Variants in GTF2B observed in about 807,000 individuals in gnomAD.
GTF2B encodes transcription initiation factor IIB.
Under a neutral mutation model 34.6 loss-of-function variants are expected in GTF2B, and 20 were observed. The ratio of observed to expected loss-of-function variants is 0.58; its 90% CI spans 0.41 to 0.84. GTF2B has a LOEUF of 0.84. Among genes scored for constraint, GTF2B ranks in the 40% least tolerant of loss-of-function variants. The pLI, the probability that GTF2B is intolerant of heterozygous loss-of-function variation, is 0.00. For missense variants in GTF2B, 237 were observed against 393.3 expected, an observed-to-expected ratio of 0.60 and a Z score of 3.36; for synonymous variants, 142 against 132.4, an observed-to-expected ratio of 1.07 and a Z score of -0.50.
chr1:88,863,845 T>C, intron 3 of GTF2B, 136 bp downstream of exon 3: 1 of 713,180 alleles, frequency 1.4e-6, no homozygotes, highest in East Asian at 2.5e-5. Flanking sequence ...TCATTCACAA[T>C]GATATTACTG....
rs951039074 is a variant in GTF2B, at chr1:88,864,053, T to C, written c.186A>G (p.Lys62=). ...GAGAATCTCCAACTCGAGATGGATC[T>C]TTTGTTGCTTTGTCATTGCTGAAAG... is the stretch of plus-strand genomic sequence containing the variant. ...WRTFSNDKAT[K]DPSRVGDSQN... is the part of the protein sequence containing the mutation. Residue 62 remains lysine, a synonymous_variant, in exon 3 of 7, where the codon AAA becomes AAG. Transcript: ENST00000370500. 2 of 1,613,676 alleles carry C rather than the reference T, an allele frequency of 1.2e-6. No homozygotes were observed.
chr1:88,878,943 A>ACAGGCC (rs1400441913), intron 2 of GTF2B, among the ~76,000 whole-genome samples: 1 of 152,236 alleles, frequency 6.6e-6, no homozygotes, highest in Non-Finnish European at 1.5e-5. Context: ...AGCAGATCTT[A>ACAGGCC]CAGGCCCAGC....
In GTF2B at chr1:88,878,887, A is replaced by C. The variant is rs1263678292; in HGVS notation, c.124+8374T>G. Among the ~76,000 whole-genome samples, 3 of 152,246 alleles carry C rather than the reference A, an allele frequency of 2.0e-5. No homozygotes were observed. In the East Asian group the frequency reaches 5.8e-4, roughly 29 times the overall value. Reference sequence around the variant, plus strand: ...ATGACAGATCCATGTGCGGAGGTCAAGGAGCACGGAGGAACCAGAAATGCA... The same window carrying C: ...ATGACAGATCCATGTGCGGAGGTCACGGAGCACGGAGGAACCAGAAATGCA... On this transcript the variant is annotated intron_variant, in intron 2 of 6. Coordinates refer to ENST00000370500, the MANE Select transcript of GTF2B (RefSeq NM_001514.6).
intron 1 of GTF2B, chr1:88,887,580 T>C (rs1185704661): frequency 6.3e-6 from 3 of 475,572 alleles, no homozygotes; most frequent in Non-Finnish European, 1.1e-5. Context: ...GGAATTCTTA[T>C]TTTATTGTGG....
chr1:88,863,888 C>A, intron 3 of GTF2B, 93 bp downstream of exon 3: 1 of 1,061,788 alleles, frequency 9.4e-7, no homozygotes, highest in Non-Finnish European at 1.4e-6. Flanking sequence ...AGATTCCCCA[C>A]TGGTGCAGTG....
intron 2 of GTF2B, among the ~76,000 whole-genome samples, chr1:88,885,635 A>G (rs533004983): frequency 1.3e-5 from 2 of 152,116 alleles, no homozygotes; most frequent in East Asian, 3.9e-4. Flanking sequence ...CTGTAATCCC[A>G]GCTACTTGGG....
intron 5 of GTF2B, among the ~76,000 whole-genome samples, chr1:88,859,085 C>T (rs1350149157): frequency 6.6e-6 from 1 of 152,058 alleles, no homozygotes; most frequent in Non-Finnish European, 1.5e-5. Flanking sequence ...CCAGGCTGGT[C>T]TTGAACTCCT....
intron 2 of GTF2B, among the ~76,000 whole-genome samples, chr1:88,867,181 T>C (rs1673580491): frequency 6.6e-6 from 1 of 152,158 alleles, no homozygotes; most frequent in South Asian, 2.1e-4. Context: ...ATTTGCTCAC[T>C]AAAAGATACG....
chr1:88,890,517 G>A (rs1313118127), intron 1 of GTF2B, among the ~76,000 whole-genome samples: 3 of 152,204 alleles, frequency 2.0e-5, no homozygotes, highest in Admixed American at 6.5e-5. Flanking sequence ...TCCAGAAGCT[G>A]TAGAATTAAT....
chr1:88,876,643 T>C (rs1169122900), intron 2 of GTF2B, among the ~76,000 whole-genome samples: 3 of 152,084 alleles, frequency 2.0e-5, no homozygotes, highest in Non-Finnish European at 4.4e-5. Context: ...ATCATGCCAC[T>C]AGCCTGGGCA....
intron 2 of GTF2B, among the ~76,000 whole-genome samples, chr1:88,870,050 C>T (rs1395213128): frequency 6.6e-6 from 1 of 150,546 alleles, no homozygotes; most frequent in African/African-American, 2.5e-5. Flanking sequence ...GCCTCAGCCT[C>T]CCGAGTAGCT....
chr1:88,857,970 C>T (rs886975428), intron 5 of GTF2B, among the ~76,000 whole-genome samples: 1 of 151,462 alleles, frequency 6.6e-6, no homozygotes, highest in Non-Finnish European at 1.5e-5. Flanking sequence ...GCATGAGCCA[C>T]TGCGCCTGGC....
At chr1:88,891,355 G>T in intron 1 of GTF2B, 128 bp downstream of exon 1, 1 of 655,138 alleles carries the variant, frequency 1.5e-6, no homozygotes, top group Non-Finnish European at 2.6e-6. Context: ...CGGCCCGTCG[G>T]CCAGTCCCGC....
chr1:88,886,921 TTATTA>T (rs1174798007), intron 2 of GTF2B, among the ~76,000 whole-genome samples: 1 of 149,904 alleles, frequency 6.7e-6, no homozygotes, highest in African/African-American at 2.5e-5. Flanking sequence ...ATTATTATTA[TTATTA>T]TTTTTTTTTT....
intron 2 of GTF2B, among the ~76,000 whole-genome samples, chr1:88,875,120 T>C (rs1437678302): frequency 3.3e-5 from 5 of 152,178 alleles, no homozygotes; most frequent in African/African-American, 4.8e-5. Context: ...ACATTCTTAC[T>C]GAAATTTTGC....
At chr1:88,883,454 C>A (rs943871712) in intron 2 of GTF2B, among the ~76,000 whole-genome samples, 1 of 152,074 alleles carries the variant, frequency 6.6e-6, no homozygotes. Context: ...ATAGCTCACA[C>A]CTATAATCCC....
At chr1:88,878,341 ATGG>A (rs1214585698) in intron 2 of GTF2B, among the ~76,000 whole-genome samples, 3 of 152,220 alleles carry the variant, frequency 2.0e-5, no homozygotes, top group Admixed American at 2.0e-4. Flanking sequence ...CACTGATGAA[ATGG>A]GCAGCTAATA....
At chr1:88,877,596 T>C (rs748243422) in intron 2 of GTF2B, among the ~76,000 whole-genome samples, 5 of 152,162 alleles carry the variant, frequency 3.3e-5, no homozygotes, top group Non-Finnish European at 7.3e-5. Flanking sequence ...AATCATACAA[T>C]TGGAATTTGG....
chr1:88,889,995 G>A (rs1325909223), intron 1 of GTF2B, among the ~76,000 whole-genome samples: 1 of 152,080 alleles, frequency 6.6e-6, no homozygotes, highest in South Asian at 2.1e-4. Flanking sequence ...AGCCATGATC[G>A]TGCCACCTAC....
Sources: allele counts gnomAD v4.1 joint callset (sites outside exome capture counted in the v4.1 genomes callset), GRCh38; gene constraint gnomAD v4.1.1; transcripts MANE v1.5; gene names NCBI Gene and HGNC (gene_info 2026-07-23, HGNC 2026-07-21).